The following COBL variants were observed in gnomAD, a reference collection of about 807,000 sequenced individuals.
The protein encoded by COBL is cordon-bleu WH2 repeat protein, also known as protein cordon-bleu.
A neutral mutation model predicts 98.8 loss-of-function variants in COBL; 51 were observed. The ratio of observed to expected loss-of-function variants is 0.52; its 90% CI spans 0.41 to 0.65. The LOEUF is 0.65. Among genes scored for constraint, COBL ranks in the 30% least tolerant of loss-of-function variants. The probability of loss-of-function intolerance (pLI) is 0.00; values close to 1 mark genes in which losing one functional copy is unlikely to be tolerated. For missense variants in COBL, 1,617 were observed against 1,617.5 expected, an observed-to-expected ratio of 1.00 and a Z score of 0.01; for synonymous variants, 634 against 651.7, an observed-to-expected ratio of 0.97 and a Z score of 0.41.
chr7:51,076,542 A>C (rs1032830621), intron 7 of COBL, among the ~76,000 whole-genome samples: 6 of 152,244 alleles, frequency 3.9e-5, no homozygotes, highest in African/African-American at 1.2e-4. Flanking sequence ...AATCATTATT[A>C]TTATTATTTC....
chr7:51,226,462 C>CT, intron 1 of COBL, among the ~76,000 whole-genome samples: 1 of 152,158 alleles, frequency 6.6e-6, no homozygotes, highest in Admixed American at 6.5e-5. Flanking sequence ...CCATGACTTT[C>CT]TTGTTCATCA....
At chr7:51,218,975 AC>A (rs1327437858) in intron 2 of COBL, among the ~76,000 whole-genome samples, 1 of 152,202 alleles carries the variant, frequency 6.6e-6, no homozygotes, top group Non-Finnish European at 1.5e-5. Flanking sequence ...TTGGGTTATC[AC>A]TAAAAGTATC....
chr7:51,295,042 T>C (rs1801292187), intron 1 of COBL, among the ~76,000 whole-genome samples: 2 of 151,918 alleles, frequency 1.3e-5, no homozygotes, highest in African/African-American at 4.8e-5. Flanking sequence ...ATCCCAGCAC[T>C]TTGGGAGACC....
chr7:51,089,303 G>C (rs1794581479), intron 6 of COBL, among the ~76,000 whole-genome samples: 1 of 151,986 alleles, frequency 6.6e-6, no homozygotes, highest in Non-Finnish European at 1.5e-5. Context: ...TACTTGAGGT[G>C]AGGAGTTTTG....
At chr7:51,051,435 T>C (rs1790226488) in intron 7 of COBL, among the ~76,000 whole-genome samples, 1 of 152,280 alleles carries the variant, frequency 6.6e-6, no homozygotes, top group African/African-American at 2.4e-5. Context: ...TTTTATGTGA[T>C]GATCTACTGA....
intron 1 of COBL, among the ~76,000 whole-genome samples, chr7:51,271,687 C>A (rs1368789460): frequency 1.3e-5 from 2 of 152,152 alleles, no homozygotes; most frequent in Admixed American, 1.3e-4. Flanking sequence ...CAGGATTCTG[C>A]ACTCAGATTT....
At chr7:51,083,211 G>A in intron 7 of COBL, 1 of 1,459,982 alleles carries the variant, frequency 6.8e-7, no homozygotes, top group Non-Finnish European at 9.0e-7. Flanking sequence ...GGCTTTTGTG[G>A]CACCTGCCGT....
At chr7:51,051,004 C>G (rs1790181887) in intron 7 of COBL, among the ~76,000 whole-genome samples, 1 of 152,160 alleles carries the variant, frequency 6.6e-6, no homozygotes, top group South Asian at 2.1e-4. Flanking sequence ...ACATATATGT[C>G]TTTCCCTTTC....
intron 9 of COBL, 106 bp from the exon 10 acceptor site, chr7:51,029,697 T>C: frequency 1.1e-6 from 1 of 886,782 alleles, no homozygotes; most frequent in Non-Finnish European, 1.7e-6. Context: ...GAATACATTA[T>C]TTATATACGT....
intron 5 of COBL, chr7:51,156,558 A>T (rs1369097134): frequency 1.0e-5 from 10 of 985,084 alleles, no homozygotes; most frequent in Non-Finnish European, 1.2e-5. Context: ...GATGGCAAAC[A>T]TTCTTAGCCA....
rs561612176 is a variant in COBL at position 51,274,875 on chromosome 7, G to T, written c.41+41718C>A. On this transcript the variant is annotated intron_variant, in intron 1 of 12. Transcript: ENST00000265136. ...CTGAGATACTTTCAGGGTTTTCTGA[G>T]ATACTTTCAGTAAAAAGAATTCTCT... 2.0e-4 allele frequency among the ~76,000 whole-genome samples: 31 copies of T among 152,326 alleles called. No individual in the cohort carries two copies. The South Asian group carries it at 6.2e-3, about 31-fold the overall frequency.
At chr7:51,278,753 A>G (rs553827722) in intron 1 of COBL, among the ~76,000 whole-genome samples, 2 of 152,306 alleles carry the variant, frequency 1.3e-5, no homozygotes, top group East Asian at 3.9e-4. Flanking sequence ...CTTCTACCAA[A>G]AGCAAAAATA....
At chr7:51,172,757 TTTTC>T (rs1366239638) in intron 5 of COBL, among the ~76,000 whole-genome samples, 6 of 151,970 alleles carry the variant, frequency 3.9e-5, no homozygotes, top group East Asian at 1.9e-4. Flanking sequence ...TAGGAATGAG[TTTTC>T]TTTCTTTCTT....
chr7:51,286,572 A>G (rs1343540418), intron 1 of COBL, among the ~76,000 whole-genome samples: 1 of 152,338 alleles, frequency 6.6e-6, no homozygotes, highest in Non-Finnish European at 1.5e-5. Context: ...GCCATCTCAC[A>G]CTAGTCAGGA....
At chr7:51,053,878 G>C (rs1790470771) in intron 7 of COBL, among the ~76,000 whole-genome samples, 1 of 152,226 alleles carries the variant, frequency 6.6e-6, no homozygotes, top group South Asian at 2.1e-4. Context: ...CTGTTTTAAA[G>C]AAAAATTACA....
intron 6 of COBL, among the ~76,000 whole-genome samples, chr7:51,122,982 C>CA (rs57261676): frequency 0.011 from 1,489 of 139,848 alleles, 21 homozygotes; most frequent in African/African-American, 0.035. Context: ...GACTCCATCT[C>CA]AAAAAAAAAA....
At chr7:51,149,614 ATT>A (rs140647493) in intron 5 of COBL, among the ~76,000 whole-genome samples, 64 of 152,050 alleles carry the variant, frequency 4.2e-4, no homozygotes, top group Non-Finnish European at 6.8e-4. Flanking sequence ...TTTGTTTTGT[ATT>A]TTGTTTTTGA....
intron 5 of COBL, among the ~76,000 whole-genome samples, chr7:51,145,195 C>T (rs898214100): frequency 2.6e-5 from 4 of 151,636 alleles, no homozygotes; most frequent in Non-Finnish European, 4.4e-5. Flanking sequence ...TTTGTATTTT[C>T]AGTAGAGACA....
intron 1 of COBL, among the ~76,000 whole-genome samples, chr7:51,255,872 GCCCA>G (rs1797153045): frequency 6.6e-6 from 1 of 152,126 alleles, no homozygotes; most frequent in Non-Finnish European, 1.5e-5. Flanking sequence ...TGAGACTCCA[GCCCA>G]GCCCCTGCTT....
Sources: allele counts gnomAD v4.1 joint callset (sites outside exome capture counted in the v4.1 genomes callset), GRCh38; gene constraint gnomAD v4.1.1; transcripts MANE v1.5; gene names NCBI Gene and HGNC (gene_info 2026-07-23, HGNC 2026-07-21).